ATP2A2: variants seen among roughly 807,000 people sequenced by gnomAD.
ATP2A2 encodes sarcoplasmic/endoplasmic reticulum calcium ATPase 2.
Under a neutral mutation model 109.3 loss-of-function variants are expected in ATP2A2, and 14 were observed. The ratio of observed to expected loss-of-function variants is 0.13; its 90% CI spans 0.08 to 0.20. ATP2A2 has a LOEUF of 0.20. ATP2A2 is among the 10% of genes least tolerant of loss of function. The probability of loss-of-function intolerance (pLI) is 1.00; values close to 1 mark genes in which losing one functional copy is unlikely to be tolerated. For synonymous variants in ATP2A2, 506 were observed against 490.9 expected (o/e 1.03, Z -0.41); for missense variants, 657 against 1,321.6 (o/e 0.50, Z 7.80).
intron 16 of ATP2A2, 45 bp downstream of exon 16, chr12:110,343,479 TG>T: frequency 2.5e-6 from 4 of 1,603,640 alleles, no homozygotes; most frequent in Non-Finnish European, 3.4e-6. Flanking sequence ...ACAAAATGTT[TG>T]TGAGCTGAAA....
intron 5 of ATP2A2, among the ~76,000 whole-genome samples, chr12:110,321,595 A>C (rs1043167614): frequency 5.3e-5 from 8 of 152,130 alleles, no homozygotes; most frequent in Admixed American, 3.9e-4. Flanking sequence ...CATTCCTCCC[A>C]GCTAATTTTT....
chr12:110,310,425 T>TAGAA (rs1875900101), intron 5 of ATP2A2, among the ~76,000 whole-genome samples: 1 of 152,212 alleles, frequency 6.6e-6, no homozygotes. Flanking sequence ...CATTCCCAGC[T>TAGAA]AGAAGTCTTA....
intron 18 of ATP2A2, 194 bp from the exon 19 acceptor site, chr12:110,345,803 CATAG>C: frequency 1.5e-6 from 1 of 669,824 alleles, no homozygotes; most frequent in Non-Finnish European, 2.7e-6. Flanking sequence ...TATGCCAAAA[CATAG>C]ATACAGAATT....
rs906407502 is a variant in ATP2A2, at chr12:110,342,064, T to G, written c.2098-164T>G. Among the ~76,000 whole-genome samples the G allele has an allele frequency of 2.6e-5, 4 of 152,220 alleles. No homozygotes were observed. The highest frequency in any genetic ancestry group is 9.6e-5 in the African/African-American group (4 of 41,454). ...GTAATTTTACATTTCCTAGGTAAAA[T>G]GTGTTTTGTGACACCAACTTATGAA... On this transcript the variant is annotated intron_variant, in intron 14 of 19. Coordinates refer to ENST00000539276, the MANE Select transcript of ATP2A2 (RefSeq NM_170665.4). This position sits in a 1 kb window ranked among gnomAD's most constrained non-coding sequence, Gnocchi z 4.6.
Position 110,281,838 on chromosome 12 carries a change from G to A in ATP2A2, c.49G>A (p.Gly17Ser). The A allele has an allele frequency of 6.4e-7, 1 of 1,565,134 alleles. No individual in the cohort carries two copies. Among genetic ancestry groups the A allele is most frequent in the Non-Finnish European group, 8.6e-7 (1 of 1,157,474 alleles). ...GGTGGAGGAGGTGCTGGGCCACTTC[G>A]GCGTCAACGAGAGTACGGGGCTGAG... ...KTVEEVLGHF[G>S]VNESTGLSLE... Residue 17 changes from glycine (G) to serine (S), a missense_variant, in exon 1 of 20, where the codon GGC becomes AGC. Around this residue, in one of 9 missense-constraint regions of ATP2A2, gnomAD observed 64 missense variants for 65.4 expected, o/e 0.98. Transcript: ENST00000539276.
intron 14 of ATP2A2, 129 bp downstream of exon 14, chr12:110,341,123 T>A: frequency 9.9e-7 from 1 of 1,010,382 alleles, no homozygotes; most frequent in Non-Finnish European, 1.5e-6. Flanking sequence ...GTCTTTTCTC[T>A]AGAATTCGGT....
chr12:110,320,038 A>G (rs1276699052), intron 5 of ATP2A2, among the ~76,000 whole-genome samples: 1 of 152,196 alleles, frequency 6.6e-6, no homozygotes, highest in Admixed American at 6.5e-5. Context: ...GGTAAGGGAT[A>G]CTCAACCTGT....
At chr12:110,298,854 A>G (rs1160481474) in intron 5 of ATP2A2, among the ~76,000 whole-genome samples, 1 of 152,248 alleles carries the variant, frequency 6.6e-6, no homozygotes, top group African/African-American at 2.4e-5. Context: ...TAACTCCTAA[A>G]TAACATTTGT....
At chr12:110,309,140 ATTTTTTTTTTTTTTTTTTT>A (rs10665212) in intron 5 of ATP2A2, among the ~76,000 whole-genome samples, 40 of 48,910 alleles carry the variant, frequency 8.2e-4, no homozygotes, top group South Asian at 7.1e-3. Context: ...AAGGAAACTA[ATTTTTTTTTTTTTTTTTTT>A]TTTTTTTTTT....
At chr12:110,293,830 G>A (rs1183212079) in intron 4 of ATP2A2, among the ~76,000 whole-genome samples, 3 of 104,640 alleles carry the variant, frequency 2.9e-5, no homozygotes, top group South Asian at 3.1e-4. Context: ...ATATATATGT[G>A]TGTGTGTGTG....
At chr12:110,293,870 A>ATATT (rs1566204044) in intron 4 of ATP2A2, among the ~76,000 whole-genome samples, 1 of 73,342 alleles carries the variant, frequency 1.4e-5, no homozygotes, top group Admixed American at 1.4e-4. Context: ...GTGTGTATAT[A>ATATT]TTTTTTTTTT....
intron 5 of ATP2A2, among the ~76,000 whole-genome samples, chr12:110,297,967 G>T (rs373706021): frequency 1.3e-5 from 2 of 152,052 alleles, no homozygotes; most frequent in African/African-American, 4.8e-5. Flanking sequence ...GTCTAGGTGG[G>T]TTGTTTGTTT....
chr12:110,338,386 T>C (rs1199309125), intron 11 of ATP2A2, among the ~76,000 whole-genome samples: 2 of 152,202 alleles, frequency 1.3e-5, no homozygotes, highest in Non-Finnish European at 2.9e-5. Flanking sequence ...CTTGGGGCCA[T>C]CTCTTCACCT....
Position 110,346,557 on chromosome 12 carries a change from C to T in ATP2A2, c.*87C>T. On this transcript the variant is annotated 3_prime_UTR_variant, in exon 20 of 20. Transcript: ENST00000539276. ...CAACTGTCTATTTCTGCTGAATTTTCACATGAACATACTGGCTGGTGATGG... is the reference window on the plus strand; with the variant it reads ...CAACTGTCTATTTCTGCTGAATTTTTACATGAACATACTGGCTGGTGATGG... 1 of 1,574,416 alleles carries T rather than the reference C, an allele frequency of 6.4e-7. No individual in the cohort carries two copies. The highest frequency in any genetic ancestry group is 1.2e-5 in the South Asian group (1 of 86,850).
At chr12:110,306,707 C>T (rs756887336) in intron 5 of ATP2A2, among the ~76,000 whole-genome samples, 13 of 152,194 alleles carry the variant, frequency 8.5e-5, no homozygotes, top group South Asian at 2.1e-4. Flanking sequence ...TGCATGGCTG[C>T]GTAGTATCAC....
intron 5 of ATP2A2, among the ~76,000 whole-genome samples, chr12:110,310,206 C>CG (rs1566216288): frequency 6.6e-6 from 1 of 151,084 alleles, no homozygotes; most frequent in Non-Finnish European, 1.5e-5. Context: ...AGGCTGGTCT[C>CG]GAACTCCTGA....
In ATP2A2 at chr12:110,327,019, A is replaced by C. The variant is rs556728388; in HGVS notation, c.631-534A>C. Reference sequence around the variant, plus strand: ...GTATGAGAACCTGACTACTACCCATAGTAAGTAAATAGAGGTACCCTGAAA... The same window carrying C: ...GTATGAGAACCTGACTACTACCCATCGTAAGTAAATAGAGGTACCCTGAAA... On this transcript the variant is annotated intron_variant, in intron 7 of 19. Coordinates refer to ENST00000539276, the MANE Select transcript of ATP2A2 (RefSeq NM_170665.4). This position sits in a 1 kb window ranked among gnomAD's most constrained non-coding sequence, Gnocchi z 4.4. Among the ~76,000 whole-genome samples, 3 of 152,356 alleles carry C rather than the reference A, an allele frequency of 2.0e-5. No individual in the cohort carries two copies. In the South Asian group the frequency reaches 6.2e-4, roughly 32 times the overall value.
chr12:110,350,203 C>T lies in ATP2A2; in HGVS notation c.*3733C>T, dbSNP rs1478678080. 11 of 1,612,820 alleles carry T rather than the reference C, an allele frequency of 6.8e-6. No homozygotes were observed. Among genetic ancestry groups the T allele is most frequent in the Admixed American group, 3.3e-5 (2 of 59,870 alleles). On this transcript the variant is annotated 3_prime_UTR_variant, in exon 20 of 20. Transcript: ENST00000539276. ...AAGCTGAATGTTCCTTTTCATCTGT[C>T]GCTGTTGATCTTCATCTATTTAAAT...
chr12:110,346,744 G>C lies in ATP2A2; in HGVS notation c.*274G>C. ...GATGAAAAAGCATGTACAGTGTTCT[G>C]TTTAATACTCATCCTTGTATAAAAA... On this transcript the variant is annotated 3_prime_UTR_variant, in exon 20 of 20. Coordinates refer to ENST00000539276, the MANE Select transcript of ATP2A2 (RefSeq NM_170665.4). The C allele has an allele frequency of 7.8e-7, 1 of 1,280,086 alleles. No homozygotes were observed. The highest frequency in any genetic ancestry group is 1.8e-5 in the South Asian group (1 of 56,810). 79.3% of individuals were successfully genotyped at this position (1,280,086 alleles called of 1,614,324 possible). A position where few individuals can be genotyped will look rare whatever the true frequency, so the allele number is the denominator to read the frequency against.
Sources: allele counts gnomAD v4.1 joint callset (sites outside exome capture counted in the v4.1 genomes callset), GRCh38; gene constraint gnomAD v4.1.1; regional missense constraint gnomAD v4.1.1; non-coding constraint Gnocchi (gnomAD v3.1); transcripts MANE v1.5; gene names NCBI Gene and HGNC (gene_info 2026-07-23, HGNC 2026-07-21).